Variants in SASH3 observed in about 807,000 individuals in gnomAD.
SASH3 encodes the protein SAM and SH3 domain-containing protein 3.
SASH3 carries 7 observed loss-of-function variants against 26.1 expected under a neutral mutation model. The observed-to-expected ratio is 0.27, with a 90% CI of 0.15 to 0.50. SASH3 has a LOEUF of 0.50. Among genes scored for constraint, SASH3 ranks in the 20% least tolerant of loss-of-function variants. The pLI, the probability that SASH3 is intolerant of heterozygous loss-of-function variation, is 0.98. For missense variants in SASH3, 231 were observed against 318.3 expected (o/e 0.73, Z 2.09); for synonymous variants, 138 against 136.8 (o/e 1.01, Z -0.06).
chrX:129,788,963 C>T (rs772281009), intron 3 of SASH3, among the ~76,000 whole-genome samples: 3 of 108,809 alleles, frequency 2.8e-5, no homozygotes, highest in African/African-American at 6.7e-5. Flanking sequence ...ATTAGCCAGG[C>T]GTGGTGGCAC....
At chrX:129,782,013 G>C (rs987093710) in intron 1 of SASH3, among the ~76,000 whole-genome samples, 16 of 112,634 alleles carry the variant, frequency 1.4e-4, no homozygotes, top group African/African-American at 4.8e-4. Flanking sequence ...GTGGTGGAGA[G>C]GAAAGCACAA....
chrX:129,785,933 C>T (rs1023505570), intron 1 of SASH3, among the ~76,000 whole-genome samples: 1 of 112,388 alleles, frequency 8.9e-6, no homozygotes, highest in Non-Finnish European at 1.9e-5. Flanking sequence ...CAGCTGCATC[C>T]TAGCCATACA....
chrX:129,791,078 A>T lies in SASH3; in HGVS notation c.439A>T (p.Thr147Ser), dbSNP rs748612209. 4 of 1,210,453 alleles carry T rather than the reference A, an allele frequency of 3.3e-6. No individual in the cohort carries two copies. Among genetic ancestry groups the T allele is most frequent in the Non-Finnish European group, 3.4e-6 (3 of 894,771 alleles). Residue 147 changes from threonine to serine, a missense_variant, in exon 4 of 8, where the codon ACA becomes TCA. Transcript: ENST00000356892. ...ELPVLSRQAS[T>S]GSELCSPSPG... ...TCCGGTGCTCAGCCGCCAGGCATCA[A>T]CAGGTGAGTAGGGGATGCGGGGGAC...
At chrX:129,788,137 G>GGGGCTGGGC in intron 2 of SASH3, 67 bp downstream of exon 2, 1 of 354,275 alleles carries the variant, frequency 2.8e-6, no homozygotes, top group Non-Finnish European at 5.4e-6. Context: ...GGGTGGGAGG[G>GGGGCTGGGC]AAGAGGGTGA....
rs370648087 is a variant in SASH3, at chrX:129,789,403, C to T, written c.300+826C>T. The stretch of plus-strand genomic sequence containing the variant: ...ATCCCAGCACTTTGAGAGGCCAAGG[C>T]AGGTGGATCACCTGAGGTCAGGAGT... On this transcript the variant is annotated intron_variant, in intron 3 of 7. Coordinates refer to ENST00000356892, the MANE Select transcript of SASH3 (RefSeq NM_018990.4). 1.2e-3 allele frequency among the ~76,000 whole-genome samples: 129 copies of T among 109,878 alleles called. No homozygotes were observed. In the South Asian group the frequency reaches 0.049, roughly 41 times the overall value.
intron 1 of SASH3, 76 bp downstream of exon 1, chrX:129,780,230 T>G: frequency 1.0e-6 from 1 of 977,802 alleles, no homozygotes; most frequent in Non-Finnish European, 1.4e-6. Flanking sequence ...CTCTTGGAAG[T>G]GGGAAGAGCC....
rs753943892 is a variant in SASH3, at chrX:129,793,664, G to A, written c.975G>A (p.Glu325=). ...DYDTGSEEAE[E]GAESSQEPVA... ...CAGCTGGCAGTGAGGAGGCTGAAGA[G>A]GGCGCCGAGAGCAGCCAGGAGCCAG... Residue 325 remains glutamate (E), a synonymous_variant, in exon 8 of 8, where the codon GAG becomes GAA. Transcript: ENST00000356892. 1.7e-6 allele frequency: 2 copies of A among 1,210,512 alleles called. No homozygotes were observed. The highest frequency in any genetic ancestry group is 5.9e-5 in the East Asian group (2 of 33,779).
rs754266966 is a variant in SASH3, at chrX:129,792,982, C to T, written c.802-7C>T. 3.3e-6 allele frequency: 4 copies of T among 1,211,451 alleles called. No individual in the cohort carries two copies. In the South Asian group the frequency reaches 7.0e-5, roughly 21 times the overall value. ...CAGCTGTGCCGATGGCCTGCCTCTG[C>T]CTACAGGAGCACACATCCACCCTCC... On this transcript the variant is annotated splice_polypyrimidine_tract_variant and splice_region_variant and intron_variant, in intron 6 of 7. Transcript: ENST00000356892.
intron 3 of SASH3, among the ~76,000 whole-genome samples, chrX:129,789,042 C>T (rs1456644189): frequency 9.6e-6 from 1 of 103,723 alleles, no homozygotes; most frequent in African/African-American, 3.5e-5. Flanking sequence ...ACAGAGGTTA[C>T]AGTGTGCCAA....
Position 129,793,709 on chromosome X carries a change from A to G in SASH3, c.1020A>G (p.Glu340=), listed in dbSNP as rs377504114. 7 of 1,210,801 alleles carry G rather than the reference A, an allele frequency of 5.8e-6. No homozygotes were observed. Among genetic ancestry groups the G allele is most frequent in the Non-Finnish European group, 7.8e-6 (7 of 895,213 alleles). The change falls in exon 8 of 8, where the codon GAA becomes GAG. Residue 340 remains glutamate (E), a synonymous_variant. Coordinates refer to ENST00000356892, the MANE Select transcript of SASH3 (RefSeq NM_018990.4). The part of the protein sequence containing the change: ...SQEPVAHTVS[E]PKVDIPRDSG... ...AGCCAGTGGCACACACAGTGTCGGA[A>G]CCCAAGGTGGACATCCCGCGCGACT...
intron 1 of SASH3, among the ~76,000 whole-genome samples, chrX:129,784,675 G>C (rs1371480714): frequency 9.0e-6 from 1 of 111,650 alleles, no homozygotes; most frequent in Non-Finnish European, 1.9e-5. Flanking sequence ...CACTTGCCCT[G>C]ATGTGAAGTG....
Position 129,793,969 on chromosome X carries a change from A to G in SASH3, c.*137A>G. On this transcript the variant is annotated 3_prime_UTR_variant, in exon 8 of 8. Transcript: ENST00000356892. ...CTTCCCCAGGGACACTTAGGGCCAC[A>G]GAGGCCAGGCCAGGGCCCTACAGGT... The G allele has an allele frequency of 1.6e-6, 1 of 620,822 alleles. No individual in the cohort carries two copies. Among genetic ancestry groups the G allele is most frequent in the East Asian group, 3.6e-5 (1 of 28,017 alleles). 51.2% of individuals were successfully genotyped at this position (620,822 alleles called of 1,213,427 possible).
chrX:129,785,268 G>A lies in SASH3; in HGVS notation c.58-2707G>A, dbSNP rs940741396. Among the ~76,000 whole-genome samples, 3 of 111,127 alleles carry A rather than the reference G, an allele frequency of 2.7e-5. No homozygotes were observed. In the Admixed American group the frequency reaches 2.9e-4, roughly 11 times the overall value. On this transcript the variant is annotated intron_variant, in intron 1 of 7. Transcript: ENST00000356892. ...CAAAGGGAAGCCAGCAGAAAAGCCA[G>A]CCAGGCTCAAGAATTTCAACTCAAC...
chrX:129,788,623 G>A, intron 3 of SASH3, 46 bp downstream of exon 3: 1 of 1,158,043 alleles, frequency 8.6e-7, no homozygotes, highest in Middle Eastern at 2.6e-4. Context: ...GGGGCCTGGG[G>A]ACCGCTCTGG....
intron 3 of SASH3, among the ~76,000 whole-genome samples, chrX:129,789,110 AAAGAAAGAAAG>A (rs753609865): frequency 5.0e-5 from 1 of 19,850 alleles, no homozygotes; most frequent in African/African-American, 2.5e-4. Flanking sequence ...TCAAAAAAAA[AAAGAAAGAAAG>A]AAAGAAAGAA....
In SASH3 at chrX:129,793,065, A is replaced by G. The variant is rs1401898927; in HGVS notation, c.878A>G (p.Asn293Ser). Residue 293 changes from asparagine (N) to serine (S), a missense_variant, in exon 7 of 8, where the codon AAT (asparagine) becomes AGT (serine). Transcript: ENST00000356892. ...AAAGAGCTGCGAGAAACACACCTCA[A>G]TGAGCTGAACATCATGGATCCACAG... ...DFKELRETHLNELNIMDPQHR... is the reference protein window; with the variant it reads ...DFKELRETHLSELNIMDPQHR... 2.5e-6 allele frequency: 3 copies of G among 1,211,160 alleles called. No homozygotes were observed. The highest frequency in any genetic ancestry group is 2.2e-5 in the Admixed American group (1 of 45,963).
At chrX:129,782,883 C>T (rs1274054484) in intron 1 of SASH3, among the ~76,000 whole-genome samples, 6 of 111,810 alleles carry the variant, frequency 5.4e-5, no homozygotes, top group Non-Finnish European at 1.1e-4. Flanking sequence ...GACCTCTTAG[C>T]TGCCCTTTGG....
intron 1 of SASH3, among the ~76,000 whole-genome samples, chrX:129,784,640 A>G (rs1185745668): frequency 8.9e-6 from 1 of 111,947 alleles, no homozygotes; most frequent in African/African-American, 3.3e-5. Flanking sequence ...AGTTTACACA[A>G]TCAGTGGCAG....
chrX:129,789,145 GAAAGAAAGAAAGAAAGAA>G (rs1569312639), intron 3 of SASH3, among the ~76,000 whole-genome samples: 2 of 58,010 alleles, frequency 3.4e-5, no homozygotes, highest in East Asian at 1.8e-3. Flanking sequence ...AAGAAAGAAA[GAAAGAAAGAAAGAAAGAA>G]AGAGAAAAAA....
Sources: allele counts gnomAD v4.1 joint callset (sites outside exome capture counted in the v4.1 genomes callset), GRCh38; gene constraint gnomAD v4.1.1; transcripts MANE v1.5; gene names NCBI Gene and HGNC (gene_info 2026-07-23, HGNC 2026-07-21).